LRMDA: variants seen among roughly 807,000 people sequenced by gnomAD.
LRMDA encodes leucine-rich melanocyte differentiation-associated protein.
LRMDA carries 18 observed loss-of-function variants against 29.8 expected under a neutral mutation model. That is an observed-to-expected ratio of 0.60 (90% CI 0.42 to 0.90). The LOEUF (loss-of-function observed/expected upper bound fraction) is 0.90. Among genes scored for constraint, LRMDA ranks in the 40% least tolerant of loss-of-function variants. The pLI is 0.00. For missense variants in LRMDA, 273 were observed against 273.9 expected (o/e 1.00, Z 0.02); for synonymous variants, 125 against 109.4 (o/e 1.14, Z -0.89).
chr10:76,045,038 A>ACCTTCTCTTGCTAGTTTT (rs1848409843), intron 3 of LRMDA, among the ~76,000 whole-genome samples: 2 of 103,672 alleles, frequency 1.9e-5, no homozygotes, highest in Non-Finnish European at 3.8e-5. Flanking sequence ...TTGCTAGTTT[A>ACCTTCTCTTGCTAGTTTT]CCTTCTCTTG....
At chr10:76,549,514 A>G (rs1365801063) in intron 6 of LRMDA, among the ~76,000 whole-genome samples, 1 of 152,168 alleles carries the variant, frequency 6.6e-6, no homozygotes, top group East Asian at 1.9e-4. Flanking sequence ...CTTTCCAGGT[A>G]TGGTGCATCC....
At chr10:75,592,918 G>GT (rs1290159589) in intron 2 of LRMDA, among the ~76,000 whole-genome samples, 1 of 152,092 alleles carries the variant, frequency 6.6e-6, no homozygotes, top group African/African-American at 2.4e-5. Flanking sequence ...CTGGAGTCGA[G>GT]TTTCTTCCAG....
chr10:75,980,199 G>A (rs1365600656), intron 2 of LRMDA, among the ~76,000 whole-genome samples: 1 of 152,150 alleles, frequency 6.6e-6, no homozygotes, highest in Non-Finnish European at 1.5e-5. Context: ...GTCTGTCCTA[G>A]AATGTCTCCT....
At chr10:76,016,246 ATTCTT>A (rs1416709750) in intron 2 of LRMDA, among the ~76,000 whole-genome samples, 1 of 152,114 alleles carries the variant, frequency 6.6e-6, no homozygotes, top group Non-Finnish European at 1.5e-5. Context: ...CATGATGGTG[ATTCTT>A]TTAAGGCTAC....
At chr10:76,026,138 T>C (rs1848059041) in intron 2 of LRMDA, among the ~76,000 whole-genome samples, 1 of 151,890 alleles carries the variant, frequency 6.6e-6, no homozygotes, top group African/African-American at 2.4e-5. Context: ...GAGTACAGAG[T>C]GAAAGGAAAA....
intron 2 of LRMDA, among the ~76,000 whole-genome samples, chr10:75,669,229 A>G (rs1589152103): frequency 1.3e-5 from 2 of 152,284 alleles, no homozygotes; most frequent in South Asian, 2.1e-4. Context: ...GTGGCACACT[A>G]TTGGCATCAG....
Position 75,731,632 on chromosome 10 carries a change from A to G in LRMDA, c.131+293138A>G, listed in dbSNP as rs569885878. ...AGTCATTCCCATCTCTGGACTCACC[A>G]TTAAGTCCTCTATAGTCCTTTCTGT... On this transcript the variant is annotated intron_variant, in intron 2 of 6. Transcript: ENST00000611255. 5.3e-5 allele frequency among the ~76,000 whole-genome samples: 8 copies of G among 152,256 alleles called. 1 individual carries two copies. The highest frequency in any genetic ancestry group is 1.2e-4 in the Non-Finnish European group (8 of 68,048).
intron 2 of LRMDA, among the ~76,000 whole-genome samples, chr10:75,989,968 C>A (rs536880896): frequency 1.3e-5 from 2 of 152,314 alleles, no homozygotes; most frequent in South Asian, 2.1e-4. Context: ...AGGCTCCTCC[C>A]AGACAGGCCG....
chr10:76,013,357 C>T (rs1014218359), intron 2 of LRMDA, among the ~76,000 whole-genome samples: 1 of 150,372 alleles, frequency 6.7e-6, no homozygotes, highest in Non-Finnish European at 1.5e-5. Flanking sequence ...TCATTTTTCT[C>T]CCCTTCAGTG....
intron 5 of LRMDA, among the ~76,000 whole-genome samples, chr10:76,210,614 G>A (rs568909220): frequency 6.6e-4 from 101 of 152,294 alleles, no homozygotes; most frequent in Non-Finnish European, 1.0e-3. Context: ...ATGGCTGACA[G>A]TTATTTGTGG....
At chr10:76,272,830 G>A (rs184057016) in intron 5 of LRMDA, among the ~76,000 whole-genome samples, 1 of 152,224 alleles carries the variant, frequency 6.6e-6, no homozygotes, top group Admixed American at 6.5e-5. Context: ...TACATGGCAG[G>A]GAGAGAGAGC....
intron 5 of LRMDA, among the ~76,000 whole-genome samples, chr10:76,231,558 C>A (rs1367571246): frequency 6.6e-6 from 1 of 152,168 alleles, no homozygotes; most frequent in Non-Finnish European, 1.5e-5. Context: ...AAACAAACAG[C>A]CTTTTCATAC....
At chr10:76,513,063 A>C (rs931767273) in intron 6 of LRMDA, among the ~76,000 whole-genome samples, 1 of 152,170 alleles carries the variant, frequency 6.6e-6, no homozygotes, top group African/African-American at 2.4e-5. Flanking sequence ...TAAGCACCCT[A>C]AGAGTATGGT....
At chr10:75,840,534 G>C (rs910465615) in intron 2 of LRMDA, among the ~76,000 whole-genome samples, 9 of 152,228 alleles carry the variant, frequency 5.9e-5, no homozygotes, top group African/African-American at 2.2e-4. Context: ...TGTTGGGTCT[G>C]TGAAGCTGTA....
intron 5 of LRMDA, among the ~76,000 whole-genome samples, chr10:76,106,476 C>G (rs1448233103): frequency 6.6e-6 from 1 of 152,150 alleles, no homozygotes; most frequent in African/African-American, 2.4e-5. Flanking sequence ...ATGAAATATC[C>G]CTGTATCATT....
chr10:76,269,449 C>T (rs961235921), intron 5 of LRMDA, among the ~76,000 whole-genome samples: 2 of 152,156 alleles, frequency 1.3e-5, no homozygotes, highest in East Asian at 1.9e-4. Context: ...AGAGACAGTG[C>T]ACATATGCTG....
rs137958197 is a variant in LRMDA at position 75,536,929 on chromosome 10, C to T, written c.131+98435C>T. On this transcript the variant is annotated intron_variant, in intron 2 of 6. Coordinates refer to ENST00000611255, the MANE Select transcript of LRMDA (RefSeq NM_001305581.2). Reference sequence around the variant, plus strand: ...ACTCTGAGAACTTTGAGGACAAAAACAGTGTCCTCATTGTATCCCCCATAC... The same window carrying T: ...ACTCTGAGAACTTTGAGGACAAAAATAGTGTCCTCATTGTATCCCCCATAC... Among the ~76,000 whole-genome samples, 5 of 152,180 alleles carry T rather than the reference C, an allele frequency of 3.3e-5. No individual in the cohort carries two copies. The East Asian group carries it at 9.7e-4, about 29-fold the overall frequency.
At chr10:76,421,768 T>C (rs1324442474) in intron 6 of LRMDA, among the ~76,000 whole-genome samples, 1 of 152,220 alleles carries the variant, frequency 6.6e-6, no homozygotes, top group Non-Finnish European at 1.5e-5. Flanking sequence ...CCAATATCCA[T>C]TTCTTTTGTA....
chr10:76,320,249 G>A (rs563003462), intron 5 of LRMDA, among the ~76,000 whole-genome samples: 34 of 152,286 alleles, frequency 2.2e-4, no homozygotes, highest in African/African-American at 8.2e-4. Context: ...TGCCTTTATT[G>A]ATGTGAGTTT....
Sources: allele counts gnomAD v4.1 joint callset (sites outside exome capture counted in the v4.1 genomes callset), GRCh38; gene constraint gnomAD v4.1.1; transcripts MANE v1.5; gene names NCBI Gene and HGNC (gene_info 2026-07-23, HGNC 2026-07-21).